DLGAP1: variants seen among roughly 807,000 people sequenced by gnomAD.
DLGAP1 encodes disks large-associated protein 1.
Under a neutral mutation model 90.8 loss-of-function variants are expected in DLGAP1, and 11 were observed. The observed-to-expected ratio is 0.12, with a 90% CI of 0.08 to 0.20. The LOEUF (loss-of-function observed/expected upper bound fraction) is 0.20. Ranked by LOEUF, DLGAP1 falls within the 10% of genes least tolerant of loss-of-function variation. The probability of loss-of-function intolerance (pLI) is 1.00; values close to 1 mark genes in which losing one functional copy is unlikely to be tolerated. For synonymous variants in DLGAP1, 558 were observed against 540.7 expected (o/e 1.03, Z -0.44); for missense variants, 1,050 against 1,333.8 (o/e 0.79, Z 3.31).
intron 1 of DLGAP1, among the ~76,000 whole-genome samples, chr18:4,309,110 A>G (rs1317001502): frequency 6.6e-6 from 1 of 152,184 alleles, no homozygotes; most frequent in Non-Finnish European, 1.5e-5. Context: ...GGTAGGTAAG[A>G]CATGACAACA....
At chr18:4,213,196 G>C (rs1039321757) in intron 1 of DLGAP1, among the ~76,000 whole-genome samples, 1 of 152,104 alleles carries the variant, frequency 6.6e-6, no homozygotes, top group Non-Finnish European at 1.5e-5. Flanking sequence ...CATGAGAGTT[G>C]GTACCAAGGG....
At chr18:4,382,854 G>C (rs1230101692) in intron 1 of DLGAP1, among the ~76,000 whole-genome samples, 1 of 152,132 alleles carries the variant, frequency 6.6e-6, no homozygotes. Flanking sequence ...GTCTCCTGAA[G>C]TTGTTTAAAT....
At chr18:4,448,243 T>TTCATTCTGTAA (rs1443941106) in intron 1 of DLGAP1, among the ~76,000 whole-genome samples, 4 of 152,160 alleles carry the variant, frequency 2.6e-5, no homozygotes, top group Non-Finnish European at 4.4e-5. Flanking sequence ...GAGCACCAGT[T>TTCATTCTGTAA]TCATTCTGTA....
At chr18:3,955,790 T>A (rs1332536543) in intron 3 of DLGAP1, among the ~76,000 whole-genome samples, 1 of 151,462 alleles carries the variant, frequency 6.6e-6, no homozygotes, top group African/African-American at 2.4e-5. Flanking sequence ...AGAAAACTAG[T>A]ATGTGTGCAA....
At chr18:3,591,166 G>GTAGT (rs1293436644) in intron 7 of DLGAP1, among the ~76,000 whole-genome samples, 1 of 152,112 alleles carries the variant, frequency 6.6e-6, no homozygotes, top group Admixed American at 6.5e-5. Context: ...CAGGGCAGAG[G>GTAGT]TAGTACAAGT....
chr18:4,220,578 C>T (rs1292956569), intron 1 of DLGAP1, among the ~76,000 whole-genome samples: 1 of 152,050 alleles, frequency 6.6e-6, no homozygotes, highest in Non-Finnish European at 1.5e-5. Context: ...CTAGTTTCTC[C>T]CATAGTGATT....
At chr18:4,079,014 T>G (rs2075565175) in intron 2 of DLGAP1, among the ~76,000 whole-genome samples, 1 of 152,106 alleles carries the variant, frequency 6.6e-6, no homozygotes, top group Admixed American at 6.5e-5. Context: ...AGAAGTGTGG[T>G]TTGATGAAGA....
At chr18:3,937,862 C>G (rs183214955) in intron 3 of DLGAP1, among the ~76,000 whole-genome samples, 1 of 152,166 alleles carries the variant, frequency 6.6e-6, no homozygotes, top group African/African-American at 2.4e-5. Context: ...TCCAATCTGG[C>G]TATGATGTTT....
At chr18:3,528,826 T>C (rs890855380) in intron 10 of DLGAP1, among the ~76,000 whole-genome samples, 6 of 152,176 alleles carry the variant, frequency 3.9e-5, no homozygotes, top group African/African-American at 1.2e-4. Flanking sequence ...GGAATCCCAG[T>C]AGTTTGAAGC....
At chr18:4,363,089 A>C (rs1225796634) in intron 1 of DLGAP1, among the ~76,000 whole-genome samples, 2 of 152,162 alleles carry the variant, frequency 1.3e-5, no homozygotes, top group African/African-American at 4.8e-5. Flanking sequence ...TACTGACCTA[A>C]GATTTACAGG....
At chr18:4,039,655 TG>T (rs2074946519) in intron 2 of DLGAP1, among the ~76,000 whole-genome samples, 1 of 152,222 alleles carries the variant, frequency 6.6e-6, no homozygotes. Context: ...AAAGTAAGCA[TG>T]GGTTAATCTT....
intron 4 of DLGAP1, among the ~76,000 whole-genome samples, chr18:3,847,326 G>A (rs897768964): frequency 6.6e-6 from 1 of 152,152 alleles, no homozygotes; most frequent in Non-Finnish European, 1.5e-5. Flanking sequence ...GAGAAAGGAT[G>A]ACCCCAAATG....
intron 5 of DLGAP1, among the ~76,000 whole-genome samples, chr18:3,789,727 C>T (rs4797123): frequency 0.45 from 68,045 of 151,990 alleles, 16,350 homozygotes; most frequent in Non-Finnish European, 0.55. Flanking sequence ...AAAAGATGAG[C>T]TTGCAGAAAT....
chr18:3,958,354 A>T (rs2073124038), intron 3 of DLGAP1, among the ~76,000 whole-genome samples: 1 of 150,588 alleles, frequency 6.6e-6, no homozygotes, highest in Admixed American at 6.6e-5. Flanking sequence ...TAAGGAAGTT[A>T]TGTATGCATG....
At chr18:4,427,448 A>G (rs1263949356) in intron 1 of DLGAP1, among the ~76,000 whole-genome samples, 5 of 152,234 alleles carry the variant, frequency 3.3e-5, no homozygotes, top group Non-Finnish European at 5.9e-5. Context: ...ACATCTTCTC[A>G]GTTCTCTACC....
intron 6 of DLGAP1, among the ~76,000 whole-genome samples, chr18:3,732,126 G>A (rs2062456097): frequency 6.6e-6 from 1 of 152,126 alleles, no homozygotes; most frequent in African/African-American, 2.4e-5. Context: ...CCCCATAGAG[G>A]TTCCCATAGT....
chr18:4,446,519 A>T (rs997021976), intron 1 of DLGAP1, among the ~76,000 whole-genome samples: 1 of 152,116 alleles, frequency 6.6e-6, no homozygotes, highest in African/African-American at 2.4e-5. Context: ...AGAAATTAAG[A>T]CTAAGAGAAG....
intron 1 of DLGAP1, among the ~76,000 whole-genome samples, chr18:4,309,723 TCTCA>T (rs2080351415): frequency 6.6e-6 from 1 of 152,156 alleles, no homozygotes; most frequent in South Asian, 2.1e-4. Context: ...GAGGTCAAAT[TCTCA>T]CTCCAGAAGT....
intron 1 of DLGAP1, among the ~76,000 whole-genome samples, chr18:4,296,317 CA>C (rs2079980587): frequency 6.6e-6 from 1 of 152,126 alleles, no homozygotes; most frequent in East Asian, 1.9e-4. Flanking sequence ...TGCACACACA[CA>C]GAAACACATA....
Sources: gnomAD v4.1 joint callset for allele counts (sites outside exome capture counted in the v4.1 genomes callset) on GRCh38, gnomAD v4.1.1 for gene constraint, MANE v1.5 for transcripts, NCBI Gene and HGNC (gene_info 2026-07-23, HGNC 2026-07-21) for gene names.